MRNIP: variants seen among roughly 807,000 people sequenced by gnomAD.
The protein encoded by MRNIP is MRN complex interacting protein.
MRNIP carries 30 observed loss-of-function variants against 29.8 expected under a neutral mutation model. The ratio of observed to expected loss-of-function variants is 1.01; its 90% CI spans 0.75 to 1.36. The LOEUF is 1.36. Among genes scored for constraint, MRNIP ranks in the 40% most tolerant of loss-of-function variants. The pLI, the probability that MRNIP is intolerant of heterozygous loss-of-function variation, is 0.00. For synonymous variants in MRNIP, 201 were observed against 164.1 expected (o/e 1.23, Z -1.72); for missense variants, 459 against 423.5 (o/e 1.08, Z -0.74).
At chr5:179,855,958 G>C (rs183045348) in intron 1 of MRNIP, among the ~76,000 whole-genome samples, 315 of 148,162 alleles carry the variant, frequency 2.1e-3, no homozygotes, top group African/African-American at 7.5e-3. Flanking sequence ...GCCCAGGCTG[G>C]AGCACTGTGG....
chr5:179,852,991 A>G (rs1561622660), intron 2 of MRNIP, among the ~76,000 whole-genome samples: 1 of 152,170 alleles, frequency 6.6e-6, no homozygotes, highest in South Asian at 2.1e-4. Flanking sequence ...ATCTTCTCAC[A>G]GTCCCCAGTG....
intron 3 of MRNIP, among the ~76,000 whole-genome samples, chr5:179,845,668 G>A (rs910001073): frequency 2.0e-5 from 3 of 150,870 alleles, no homozygotes. Flanking sequence ...ATTGACTTTT[G>A]TATTTTTAGT....
Position 179,837,336 on chromosome 5 carries a change from G to A in MRNIP, c.*55C>T, listed in dbSNP as rs1010425075. 3.8e-6 allele frequency: 6 copies of A among 1,586,674 alleles called. No individual in the cohort carries two copies. In the African/African-American group the frequency reaches 6.7e-5, roughly 18 times the overall value. On this transcript the variant is annotated 3_prime_UTR_variant, in exon 7 of 7. Transcript: ENST00000292586. Reference sequence around the variant, plus strand: ...AGAGTATCTTTAAAAGTGCCTTAGGGGAACCCTGTCCCTCCTAACAAGTGT... The same window carrying A: ...AGAGTATCTTTAAAAGTGCCTTAGGAGAACCCTGTCCCTCCTAACAAGTGT...
chr5:179,857,151 C>T (rs1412701244), intron 1 of MRNIP, among the ~76,000 whole-genome samples: 1 of 149,098 alleles, frequency 6.7e-6, no homozygotes, highest in African/African-American at 2.4e-5. Context: ...AACAGGAAAA[C>T]AAACAAGGAA....
chr5:179,839,813 G>GCTTCAGTA (rs1758798066), intron 6 of MRNIP: 1 of 152,378 alleles, frequency 6.6e-6, no homozygotes, highest in African/African-American at 2.4e-5. Flanking sequence ...ATATGCGGTG[G>GCTTCAGTA]GGCCTGCTGG....
At position 179,858,304 on chromosome 5, in the gene MRNIP, C is replaced by A. The variant is rs575169876; in HGVS notation, c.66+427G>T. Reference sequence around the variant, plus strand: ...CAGCCATATCAAGTCCCTGGCCCCGCGGAAACGGACGGCGGCAGAGGCGCG... The same window carrying A: ...CAGCCATATCAAGTCCCTGGCCCCGAGGAAACGGACGGCGGCAGAGGCGCG... On this transcript the variant is annotated intron_variant, in intron 1 of 6. Coordinates refer to ENST00000292586, the MANE Select transcript of MRNIP (RefSeq NM_016175.4). 2.6e-5 allele frequency among the ~76,000 whole-genome samples: 4 copies of A among 152,318 alleles called. No individual in the cohort carries two copies. The South Asian group carries it at 8.3e-4, about 32-fold the overall frequency.
In MRNIP at chr5:179,840,905, C is replaced by T. The variant is rs753913099; in HGVS notation, c.504G>A (p.Ser168=). The T allele has an allele frequency of 1.2e-5, 19 of 1,612,000 alleles. No homozygotes were observed. The highest frequency in any genetic ancestry group is 5.0e-5 in the Admixed American group (3 of 59,880). The change falls in exon 6 of 7, where the codon TCG becomes TCA. Residue 168 remains serine (S), a synonymous_variant. Coordinates refer to ENST00000292586, the MANE Select transcript of MRNIP (RefSeq NM_016175.4). ...QPPCSRGVQD[S]GGSEVAWGPQ... is the part of the protein sequence containing the mutation. ...GTCCCCAGGCGACCTCAGAGCCACC[C>T]GAGTCCTGCACGCCACGGCTGCACG...
At chr5:179,852,949 T>C (rs269462) in intron 2 of MRNIP, among the ~76,000 whole-genome samples, 23,025 of 152,240 alleles carry the variant, frequency 0.15, 4,398 homozygotes, top group African/African-American at 0.45. Flanking sequence ...CAACGGCCTC[T>C]GCCCTTCCCC....
chr5:179,843,035 G>A (rs447139), intron 4 of MRNIP, among the ~76,000 whole-genome samples: 1 of 60,754 alleles, frequency 1.6e-5, no homozygotes, highest in East Asian at 5.6e-4. Flanking sequence ...CTGTCGAAAG[G>A]AGGAAAGAAG....
chr5:179,849,044 G>A (rs1238574866), intron 2 of MRNIP, among the ~76,000 whole-genome samples: 1 of 151,310 alleles, frequency 6.6e-6, no homozygotes, highest in African/African-American at 2.4e-5. Context: ...CAGGCAGATG[G>A]TACAAGATGG....
At position 179,837,292 on chromosome 5, in the gene MRNIP, T is replaced by C. The variant is rs1758620974; in HGVS notation, c.*99A>G. ...AGAGAGAAATGATTGACAGTAAGTT[T>C]ATTGTTAATGGTTCTTACAGAGTAT... On this transcript the variant is annotated 3_prime_UTR_variant, in exon 7 of 7. Coordinates refer to ENST00000292586, the MANE Select transcript of MRNIP (RefSeq NM_016175.4). 2 of 1,607,632 alleles carry C rather than the reference T, an allele frequency of 1.2e-6. No homozygotes were observed. The highest frequency in any genetic ancestry group is 2.2e-5 in the East Asian group (1 of 44,864).
rs372019402 is a variant in MRNIP at position 179,848,035 on chromosome 5, C to A, written c.158G>T (p.Arg53Ile). ...TAGATTTAACTTTTGGACATGGCGTCTACAATCAGCACCAGAGCCTTCACC... is the reference window on the plus strand; with the variant it reads ...TAGATTTAACTTTTGGACATGGCGTATACAATCAGCACCAGAGCCTTCACC... Reference protein sequence around the residue: ...AYGEGSGADCRRHVQKLNLLQ... With the variant: ...AYGEGSGADCIRHVQKLNLLQ... Residue 53 changes from arginine to isoleucine, a missense_variant, in exon 3 of 7, where the codon AGA (arginine) becomes ATA (isoleucine). Physicochemically the swap from Arg to Ile is moderately conservative, Grantham distance 97. Transcript: ENST00000292586. 6.2e-7 allele frequency: 1 copy of A among 1,613,898 alleles called. No individual in the cohort carries two copies. The highest frequency in any genetic ancestry group is 8.5e-7 in the Non-Finnish European group (1 of 1,179,928).
chr5:179,847,738 C>T (rs1381641859), intron 3 of MRNIP: 2 of 439,736 alleles, frequency 4.5e-6, no homozygotes, highest in African/African-American at 2.0e-5. Context: ...CAGGTCTGGA[C>T]CTCATCACAG....
chr5:179,840,930 G>C lies in MRNIP; in HGVS notation c.479C>G (p.Pro160Arg), dbSNP rs185437892. Residue 160 changes from proline (P) to arginine (R), a missense_variant, in exon 6 of 7, where the codon CCG becomes CGG. Physicochemically the swap from Pro to Arg is moderately radical, Grantham distance 103 (BLOSUM62 -2). Transcript: ENST00000292586. ...RKWSRSTVQP[P>R]CSRGVQDSGG... ...CGAGTCCTGCACGCCACGGCTGCAC[G>C]GAGGCTGGACGGTGCTCCTGCTCCA... 2 of 1,610,744 alleles carry C rather than the reference G, an allele frequency of 1.2e-6. No individual in the cohort carries two copies. The highest frequency in any genetic ancestry group is 1.7e-6 in the Non-Finnish European group (2 of 1,178,748).
chr5:179,843,041 A>AGAAGGAAGGAAAGAAG (rs1554093093), intron 4 of MRNIP, among the ~76,000 whole-genome samples: 2 of 106,200 alleles, frequency 1.9e-5, no homozygotes, highest in Non-Finnish European at 3.5e-5. Flanking sequence ...AAAGGAGGAA[A>AGAAGGAAGGAAAGAAG]GAAGGAAGGA....
Position 179,837,488 on chromosome 5 carries a change from G to A in MRNIP, c.935C>T (p.Ala312Val). Residue 312 changes from alanine to valine, a missense_variant, in exon 7 of 7, where the codon GCA (alanine) becomes GTA (valine). By Grantham distance (64) the Ala-to-Val change is moderately conservative. Coordinates refer to ENST00000292586, the MANE Select transcript of MRNIP (RefSeq NM_016175.4). Reference protein sequence around the residue: ...KTSWDARTPWAEGGPLVLEAQ... With the variant: ...KTSWDARTPWVEGGPLVLEAQ... ...CTCCAGGACCAGGGGCCCACCCTCTGCCCAGGGAGTCCTTGCGTCCCATGA... is the reference window on the plus strand; with the variant it reads ...CTCCAGGACCAGGGGCCCACCCTCTACCCAGGGAGTCCTTGCGTCCCATGA... 6.2e-7 allele frequency: 1 copy of A among 1,614,120 alleles called. No homozygotes were observed. The highest frequency in any genetic ancestry group is 1.1e-5 in the South Asian group (1 of 91,086).
chr5:179,839,311 AAGC>A (rs1333795448), intron 6 of MRNIP: 2 of 152,064 alleles, frequency 1.3e-5, no homozygotes, highest in East Asian at 3.8e-4. Flanking sequence ...AGCAATGTGA[AAGC>A]AGCGATAGAG....
In MRNIP at chr5:179,837,754, T is replaced by C. The variant is rs1343794181; in HGVS notation, c.669A>G (p.Thr223=). 6.2e-6 allele frequency: 10 copies of C among 1,614,246 alleles called. No individual in the cohort carries two copies. Among genetic ancestry groups the C allele is most frequent in the Non-Finnish European group, 8.5e-6 (10 of 1,180,042 alleles). Residue 223 remains threonine, a synonymous_variant, in exon 7 of 7, where the codon ACA becomes ACG. Transcript: ENST00000292586. The part of the protein sequence containing the change: ...KELWSPIQQV[T]ATSSKWAQFV... ...ATTGCGCCCATTTAGAGGATGTGGC[T>C]GTAACCTGCTGGATGGGACTCCATA...
At chr5:179,855,854 A>G (rs1052776119) in intron 1 of MRNIP, among the ~76,000 whole-genome samples, 1 of 152,090 alleles carries the variant, frequency 6.6e-6, no homozygotes, top group African/African-American at 2.4e-5. Flanking sequence ...CTACCTTAAA[A>G]CACCAATAAA....
Sources: allele counts gnomAD v4.1 joint callset (sites outside exome capture counted in the v4.1 genomes callset), GRCh38; gene constraint gnomAD v4.1.1; transcripts MANE v1.5; gene names NCBI Gene and HGNC (gene_info 2026-07-23, HGNC 2026-07-21).